The following RIMS2 variants were observed in gnomAD, a reference collection of about 807,000 sequenced individuals.
The protein encoded by RIMS2 is regulating synaptic membrane exocytosis 2.
Under a neutral mutation model 174.4 loss-of-function variants are expected in RIMS2, and 59 were observed. That is an observed-to-expected ratio of 0.34 (90% CI 0.27 to 0.42). The LOEUF is 0.42. RIMS2 is among the 10% of genes least tolerant of loss of function. RIMS2 has a pLI of 1.00. For synonymous variants in RIMS2, 606 were observed against 572.5 expected (o/e 1.06, Z -0.84); for missense variants, 1,620 against 1,666.3 (o/e 0.97, Z 0.48).
At chr8:104,229,619 T>A (rs2099212532) in intron 19 of RIMS2, among the ~76,000 whole-genome samples, 1 of 152,202 alleles carries the variant, frequency 6.6e-6, no homozygotes, top group African/African-American at 2.4e-5. Flanking sequence ...TGTCTTTGCA[T>A]GGCTGCTTTT....
chr8:103,935,116 T>G (rs1188751808), intron 12 of RIMS2, among the ~76,000 whole-genome samples: 3 of 152,194 alleles, frequency 2.0e-5, no homozygotes, highest in Non-Finnish European at 2.9e-5. Flanking sequence ...CAATGATATA[T>G]GAGTAGATGT....
intron 3 of RIMS2, among the ~76,000 whole-genome samples, chr8:103,797,231 A>G (rs1179553723): frequency 6.6e-6 from 1 of 152,106 alleles, no homozygotes; most frequent in African/African-American, 2.4e-5. Context: ...CCCTTCCTGT[A>G]TGTTTTTCTA....
At chr8:103,837,440 G>T (rs565183250) in intron 3 of RIMS2, among the ~76,000 whole-genome samples, 1 of 152,234 alleles carries the variant, frequency 6.6e-6, no homozygotes, top group African/African-American at 2.4e-5. Context: ...AGTTACATAT[G>T]TATACATGTG....
At chr8:103,865,549 T>C (rs1442381696) in intron 3 of RIMS2, among the ~76,000 whole-genome samples, 1 of 151,986 alleles carries the variant, frequency 6.6e-6, no homozygotes, top group Non-Finnish European at 1.5e-5. Context: ...CCTCCCAAAG[T>C]GCTGGGATTA....
intron 12 of RIMS2, among the ~76,000 whole-genome samples, chr8:103,932,590 C>T (rs1268368936): frequency 6.6e-6 from 1 of 152,180 alleles, no homozygotes; most frequent in East Asian, 1.9e-4. Context: ...CATCCATAAT[C>T]ATCTATGCTT....
intron 3 of RIMS2, among the ~76,000 whole-genome samples, chr8:103,849,295 CATTA>C (rs951155986): frequency 7.9e-5 from 12 of 152,130 alleles, no homozygotes; most frequent in Admixed American, 7.2e-4. Flanking sequence ...TCACTCCTGG[CATTA>C]ATTGTCTCAG....
intron 19 of RIMS2, among the ~76,000 whole-genome samples, chr8:104,140,249 C>T (rs925273847): frequency 4.6e-5 from 7 of 151,856 alleles, no homozygotes; most frequent in African/African-American, 1.5e-4. Context: ...GAATATTTTT[C>T]TCTCTCTACA....
intron 19 of RIMS2, among the ~76,000 whole-genome samples, chr8:104,196,272 T>C (rs775007580): frequency 1.4e-4 from 21 of 152,154 alleles, no homozygotes; most frequent in South Asian, 4.1e-4. Flanking sequence ...TTTTCAACTT[T>C]TTATATCCAT....
chr8:103,718,875 G>A (rs1416541729), intron 2 of RIMS2, among the ~76,000 whole-genome samples: 1 of 152,110 alleles, frequency 6.6e-6, no homozygotes, highest in African/African-American at 2.4e-5. Context: ...GTTTTGCCAT[G>A]TTGGCCCGGC....
At chr8:103,916,159 G>A (rs1381070067) in intron 7 of RIMS2, among the ~76,000 whole-genome samples, 1 of 151,882 alleles carries the variant, frequency 6.6e-6, no homozygotes, top group Admixed American at 6.6e-5. Context: ...CTTAGAATTC[G>A]AATTTCTATT....
chr8:103,561,779 A>AT (rs1036516272), intron 1 of RIMS2, among the ~76,000 whole-genome samples: 1 of 152,016 alleles, frequency 6.6e-6, no homozygotes, highest in Non-Finnish European at 1.5e-5. Flanking sequence ...GTATTAGTCC[A>AT]TTTTCATTCG....
chr8:103,687,594 A>T (rs1173598200), intron 1 of RIMS2, among the ~76,000 whole-genome samples: 1 of 152,098 alleles, frequency 6.6e-6, no homozygotes, highest in Non-Finnish European at 1.5e-5. Context: ...TATAGACATC[A>T]TGTTGTACAA....
chr8:104,153,157 A>G (rs1009449317), intron 19 of RIMS2, among the ~76,000 whole-genome samples: 1 of 152,138 alleles, frequency 6.6e-6, no homozygotes, highest in Non-Finnish European at 1.5e-5. Flanking sequence ...CTGTCACACT[A>G]TTTGTATGTT....
chr8:103,689,053 C>A (rs745459337), intron 1 of RIMS2, among the ~76,000 whole-genome samples: 3 of 151,810 alleles, frequency 2.0e-5, no homozygotes, highest in Non-Finnish European at 4.4e-5. Context: ...GTGTTGTTTC[C>A]ATTTTTCTTT....
intron 3 of RIMS2, among the ~76,000 whole-genome samples, chr8:103,781,731 C>T (rs1326091200): frequency 2.2e-5 from 3 of 138,910 alleles, no homozygotes; most frequent in African/African-American, 7.9e-5. Flanking sequence ...ATATTATCTC[C>T]CCTAATCTTT....
intron 3 of RIMS2, among the ~76,000 whole-genome samples, chr8:103,815,387 T>A (rs2098712460): frequency 6.6e-6 from 1 of 152,204 alleles, no homozygotes. Flanking sequence ...ATTAGTTTTT[T>A]AGATATTTTC....
At chr8:104,220,069 A>G (rs888592010) in intron 19 of RIMS2, among the ~76,000 whole-genome samples, 26 of 152,300 alleles carry the variant, frequency 1.7e-4, no homozygotes, top group Admixed American at 1.6e-3. Context: ...ACATTTTCTC[A>G]ATAATTTCAG....
intron 19 of RIMS2, among the ~76,000 whole-genome samples, chr8:104,099,829 T>A (rs1440911971): frequency 6.6e-6 from 1 of 151,906 alleles, no homozygotes; most frequent in Non-Finnish European, 1.5e-5. Flanking sequence ...CTTTCTTTTT[T>A]TTTTTGAGAC....
intron 19 of RIMS2, among the ~76,000 whole-genome samples, chr8:104,074,501 G>C (rs2097255091): frequency 6.6e-6 from 1 of 152,058 alleles, no homozygotes; most frequent in African/African-American, 2.4e-5. Context: ...ATATGAATCT[G>C]ACAAGACCAA....
Sources: allele counts gnomAD v4.1 joint callset (sites outside exome capture counted in the v4.1 genomes callset), GRCh38; gene constraint gnomAD v4.1.1; transcripts MANE v1.5; gene names NCBI Gene and HGNC (gene_info 2026-07-23, HGNC 2026-07-21).